The following HEMGN variants were observed in gnomAD, a reference collection of about 807,000 sequenced individuals.
The protein encoded by HEMGN is hemogen, also known as erythroid differentiation-associated gene protein.
In HEMGN, 32 loss-of-function variants were observed where a neutral mutation model predicts 45.7. That is an observed-to-expected ratio of 0.70 (90% CI 0.53 to 0.94). The LOEUF (loss-of-function observed/expected upper bound fraction) is 0.94, where lower values mean the gene tolerates loss of function less well. Ranked by LOEUF, HEMGN falls within the 40% of genes least tolerant of loss-of-function variation. HEMGN has a pLI of 0.00. For synonymous variants in HEMGN, 183 were observed against 178.6 expected, an observed-to-expected ratio of 1.02 and a Z score of -0.20; for missense variants, 530 against 564.2, an observed-to-expected ratio of 0.94 and a Z score of 0.61.
At chr9:97,933,071 T>G (rs2131554295) in intron 2 of HEMGN, among the ~76,000 whole-genome samples, 1 of 152,252 alleles carries the variant, frequency 6.6e-6, no homozygotes, top group Non-Finnish European at 1.5e-5. Context: ...TTTCAAAAAA[T>G]GCAAAAAATA....
chr9:97,941,043 AT>A (rs1479728491), upstream of HEMGN, among the ~76,000 whole-genome samples: 2 of 152,200 alleles, frequency 1.3e-5, no homozygotes, highest in African/African-American at 2.4e-5. Flanking sequence ...CTACATTTTA[AT>A]GGGGAGAGAT....
upstream of HEMGN, among the ~76,000 whole-genome samples, chr9:97,942,943 G>A (rs1026104867): frequency 1.3e-5 from 2 of 152,174 alleles, no homozygotes; most frequent in African/African-American, 2.4e-5. Context: ...GTACACTTTG[G>A]TTTGTCATGC....
At position 97,931,182 on chromosome 9, in the gene HEMGN, T is replaced by C. The variant is rs1564121355; in HGVS notation, c.213A>G (p.Gly71=). 6.2e-7 allele frequency: 1 copy of C among 1,611,586 alleles called. No homozygotes were observed. The highest frequency in any genetic ancestry group is 1.7e-5 in the Admixed American group (1 of 59,420). Residue 71 remains glycine (G), a synonymous_variant, in exon 3 of 4, where the codon GGA becomes GGG. Transcript: ENST00000616898. The part of the protein sequence containing the change: ...KKRKQQRTGK[G]NRRGRKRQQN... ...GTTGTCTCTTTCTGCCTCTTCGATT[T>C]CCTTTTCCTGTTCTCTGCTGCTTGC...
intron 2 of HEMGN, among the ~76,000 whole-genome samples, chr9:97,932,302 A>T (rs912335174): frequency 1.3e-4 from 20 of 152,188 alleles, no homozygotes; most frequent in African/African-American, 2.7e-4. Flanking sequence ...TTGCATATTT[A>T]AAAAAAGTAT....
chr9:97,928,773 CT>C (rs1826884003), intron 3 of HEMGN, among the ~76,000 whole-genome samples: 1 of 152,130 alleles, frequency 6.6e-6, no homozygotes, highest in Admixed American at 6.5e-5. Flanking sequence ...AGTGTTCATC[CT>C]TATAGAGACT....
At chr9:97,941,856 A>G (rs1827158268), upstream of HEMGN, among the ~76,000 whole-genome samples, 1 of 152,228 alleles carries the variant, frequency 6.6e-6, no homozygotes, top group African/African-American at 2.4e-5. Context: ...ACTGTGTCAA[A>G]CTTTGCTAAA....
chr9:97,935,575 C>T (rs192747577), intron 2 of HEMGN, among the ~76,000 whole-genome samples: 18 of 152,268 alleles, frequency 1.2e-4, no homozygotes, highest in Admixed American at 1.0e-3. Flanking sequence ...TTGGGCTCCC[C>T]TTCCAAGCAA....
At chr9:97,943,849 C>G (rs1175220553) in intron 1 of HEMGN, among the ~76,000 whole-genome samples, 2 of 152,160 alleles carry the variant, frequency 1.3e-5, no homozygotes, top group African/African-American at 2.4e-5. Context: ...ATGGCCAAAT[C>G]CAGTGGTCCA....
In HEMGN at chr9:97,930,333, A is replaced by T; in HGVS notation, c.1062T>A (p.Ile354=). ...QETPHSEDYS[I]EINQETPGSE... ...ACCCAGGAGTTTCTTGGTTTATTTC[A>T]ATTGAATAGTCTTCAGAATGAGGTG... The change falls in exon 3 of 4, where the codon ATT becomes ATA. Residue 354 remains isoleucine (I), a synonymous_variant. Transcript: ENST00000616898. 1 of 1,613,504 alleles carries T rather than the reference A, an allele frequency of 6.2e-7. No individual in the cohort carries two copies. The highest frequency in any genetic ancestry group is 8.5e-7 in the Non-Finnish European group (1 of 1,179,912).
Position 97,930,946 on chromosome 9 carries a change from T to C in HEMGN, c.449A>G (p.Tyr150Cys). 2 of 1,614,216 alleles carry C rather than the reference T, an allele frequency of 1.2e-6. No individual in the cohort carries two copies. Among genetic ancestry groups the C allele is most frequent in the Non-Finnish European group, 1.7e-6 (2 of 1,180,014 alleles). The change falls in exon 3 of 4, where the codon TAC (tyrosine) becomes TGC (cysteine). Residue 150 changes from tyrosine (Y) to cysteine (C), a missense_variant. Transcript: ENST00000616898. ...ATGGTTTTGTACTGCTATTTCTTGG[T>C]ACTCAGAAAAATTCTCCTGATATAT... The part of the protein sequence containing the change: ...SNIYQENFSE[Y>C]QEIAVQNHSS...
In HEMGN at chr9:97,930,360, T is replaced by G; in HGVS notation, c.1035A>C (p.Glu345Asp). 6.2e-7 allele frequency: 1 copy of G among 1,613,842 alleles called. No homozygotes were observed. Among genetic ancestry groups the G allele is most frequent in the Admixed American group, 1.7e-5 (1 of 59,944 alleles). The change falls in exon 3 of 4, where the codon GAA (glutamate) becomes GAC (aspartate). Residue 345 changes from glutamate to aspartate, a missense_variant. Glu to Asp is a conservative substitution (Grantham distance 45). Coordinates refer to ENST00000616898, the MANE Select transcript of HEMGN (RefSeq NM_197978.3). ...PKAPSHKTIQ[E>D]TPHSEDYSIE... ...TTGAATAGTCTTCAGAATGAGGTGT[T>G]TCTTGGATTGTTTTATGAGAGGGGG... is the stretch of plus-strand genomic sequence containing the variant.
chr9:97,936,925 A>T (rs1047064551), intron 1 of HEMGN, among the ~76,000 whole-genome samples: 1 of 151,960 alleles, frequency 6.6e-6, no homozygotes, highest in Non-Finnish European at 1.5e-5. Flanking sequence ...AGTTCTTTGG[A>T]AAATTAAGGG....
chr9:97,927,314 T>G lies in HEMGN; in HGVS notation c.*70A>C. The G allele has an allele frequency of 1.2e-6, 1 of 835,880 alleles. No individual in the cohort carries two copies. Among genetic ancestry groups the G allele is most frequent in the Non-Finnish European group, 1.9e-6 (1 of 518,090 alleles). The allele number at this position is 835,880 out of a possible 1,614,324, so 51.8% of individuals were successfully genotyped here. ...AGCATTGTCAAAAGTTTTACAATAT[T>G]TTGAGAAAATCACGCATAAACTATT... On this transcript the variant is annotated 3_prime_UTR_variant, in exon 4 of 4. Coordinates refer to ENST00000616898, the MANE Select transcript of HEMGN (RefSeq NM_197978.3).
Position 97,930,776 on chromosome 9 carries a change from C to G in HEMGN, c.619G>C (p.Val207Leu). The G allele has an allele frequency of 2.5e-6, 4 of 1,614,116 alleles. No homozygotes were observed. Among genetic ancestry groups the G allele is most frequent in the Non-Finnish European group, 3.4e-6 (4 of 1,179,986 alleles). The change falls in exon 3 of 4, where the codon GTA becomes CTA. Residue 207 changes from valine (V) to leucine (L), a missense_variant. Transcript: ENST00000616898. ...GGATGGTCTTGAATTACAGATATTA[C>G]TTGGCATGTGTTAGGAGAGTTGTCT... ...PEDNSPNTCQ[V>L]ISVIQDHPFK...
At position 97,936,253 on chromosome 9, in the gene HEMGN, T is replaced by C. The variant is rs184858948; in HGVS notation, c.91A>G (p.Thr31Ala). 1 of 1,604,622 alleles carries C rather than the reference T, an allele frequency of 6.2e-7. No individual in the cohort carries two copies. Among genetic ancestry groups the C allele is most frequent in the East Asian group, 2.2e-5 (1 of 44,822 alleles). The change falls in exon 2 of 4, where the codon ACC (threonine) becomes GCC (alanine). Residue 31 changes from threonine (T) to alanine (A), a missense_variant. Physicochemically the swap from Thr to Ala is moderately conservative, Grantham distance 58 (BLOSUM62 0). Transcript: ENST00000616898. The part of the protein sequence containing the change: ...EENHSPEVIG[T>A]WSLRNRELLR... ...AGTTCTCTGTTTCTCAAACTCCAGG[T>C]TCCAATGACTTCTGTAATAAAATGA...
chr9:97,944,443 C>T (rs1269644736), intron 1 of HEMGN, among the ~76,000 whole-genome samples: 4 of 152,188 alleles, frequency 2.6e-5, no homozygotes, highest in African/African-American at 9.7e-5. Flanking sequence ...CCCACATGCT[C>T]ATTCCATCTT....
chr9:97,931,216 T>C lies in HEMGN; in HGVS notation c.179A>G (p.Gln60Arg), dbSNP rs1354532025. ...TGTTCTCTGCTGCTTGCGTTTTTTCTGTTCTCTGCAGAAAGAACAGAATTA... is the reference window on the plus strand; with the variant it reads ...TGTTCTCTGCTGCTTGCGTTTTTTCCGTTCTCTGCAGAAAGAACAGAATTA... ...KETSQWLFGE[Q>R]KKRKQQRTGK... Residue 60 changes from glutamine (Q) to arginine (R), a missense_variant, in exon 3 of 4, where the codon CAG (glutamine) becomes CGG (arginine). Coordinates refer to ENST00000616898, the MANE Select transcript of HEMGN (RefSeq NM_197978.3). 6.3e-7 allele frequency: 1 copy of C among 1,597,412 alleles called. No homozygotes were observed. The highest frequency in any genetic ancestry group is 1.7e-4 in the Middle Eastern group (1 of 5,952).
intron 2 of HEMGN, among the ~76,000 whole-genome samples, chr9:97,932,473 A>T (rs1465771460): frequency 6.6e-6 from 1 of 152,202 alleles, no homozygotes; most frequent in Non-Finnish European, 1.5e-5. Context: ...TATAGATGTA[A>T]CAGAGCAGTC....
At chr9:97,937,709 C>T (rs1007574874) in intron 1 of HEMGN, among the ~76,000 whole-genome samples, 4 of 152,038 alleles carry the variant, frequency 2.6e-5, no homozygotes, top group African/African-American at 4.8e-5. Context: ...AAAACAATGT[C>T]TTAAGGTATC....
Sources: gnomAD v4.1 joint callset for allele counts (sites outside exome capture counted in the v4.1 genomes callset) on GRCh38, gnomAD v4.1.1 for gene constraint, MANE v1.5 for transcripts, NCBI Gene and HGNC (gene_info 2026-07-23, HGNC 2026-07-21) for gene names.